Variants in FANCC observed in about 807,000 individuals in gnomAD.
The protein encoded by FANCC is Fanconi anemia group C protein.
FANCC carries 55 observed loss-of-function variants against 71.3 expected under a neutral mutation model. That is an observed-to-expected ratio of 0.77 (90% confidence interval 0.62 to 0.97). The LOEUF is 0.97. FANCC is among the 50% of genes least tolerant of loss of function. The pLI is 0.00. For missense variants in FANCC, 678 were observed against 670.9 expected (o/e 1.01, Z -0.12); for synonymous variants, 275 against 244.9 (o/e 1.12, Z -1.15).
intron 1 of FANCC, among the ~76,000 whole-genome samples, chr9:95,265,156 A>G (rs555013025): frequency 3.7e-4 from 56 of 152,340 alleles, no homozygotes; most frequent in African/African-American, 1.0e-3. Flanking sequence ...GAGATAGTCT[A>G]ATCAAAAACA....
intron 1 of FANCC, among the ~76,000 whole-genome samples, chr9:95,291,830 C>A (rs1383655487): frequency 4.6e-5 from 7 of 150,786 alleles, no homozygotes; most frequent in Non-Finnish European, 5.9e-5. Flanking sequence ...CACCTGTAGT[C>A]CCGGTTACTC....
intron 4 of FANCC, among the ~76,000 whole-genome samples, chr9:95,216,204 C>T (rs1339586774): frequency 6.6e-6 from 1 of 152,040 alleles, no homozygotes; most frequent in Non-Finnish European, 1.5e-5. Flanking sequence ...GTTTTAATGT[C>T]AGACAAAGCA....
At chr9:95,304,628 T>C (rs1446997442) in intron 1 of FANCC, among the ~76,000 whole-genome samples, 1 of 150,836 alleles carries the variant, frequency 6.6e-6, no homozygotes, top group Admixed American at 6.6e-5. Context: ...CGAGCGCCTG[T>C]AATCCCAGCT....
intron 1 of FANCC, among the ~76,000 whole-genome samples, chr9:95,284,555 AAC>A (rs1833561175): frequency 6.6e-6 from 1 of 152,186 alleles, no homozygotes; most frequent in South Asian, 2.1e-4. Flanking sequence ...TAAATTTCTC[AAC>A]ATCTTGGAAA....
At chr9:95,276,882 CTGAGA>C (rs1833071536) in intron 1 of FANCC, among the ~76,000 whole-genome samples, 1 of 152,212 alleles carries the variant, frequency 6.6e-6, no homozygotes, top group African/African-American at 2.4e-5. Flanking sequence ...AGCGTCTACT[CTGAGA>C]TAACTTTGCT....
chr9:95,207,106 A>G (rs906307395), intron 4 of FANCC, among the ~76,000 whole-genome samples: 1 of 152,182 alleles, frequency 6.6e-6, no homozygotes, highest in Non-Finnish European at 1.5e-5. Context: ...AGAAATTGGC[A>G]GCCCAGCCTG....
intron 7 of FANCC, among the ~76,000 whole-genome samples, chr9:95,138,201 G>A (rs1248156581): frequency 6.6e-6 from 1 of 152,268 alleles, no homozygotes; most frequent in Non-Finnish European, 1.5e-5. Context: ...GGTAACACTT[G>A]AAGCCAGGGC....
chr9:95,173,829 G>C (rs1322882609), intron 4 of FANCC, among the ~76,000 whole-genome samples: 1 of 152,128 alleles, frequency 6.6e-6, no homozygotes, highest in African/African-American at 2.4e-5. Flanking sequence ...GAGGCAGGAG[G>C]ATCACTCGAG....
intron 4 of FANCC, among the ~76,000 whole-genome samples, chr9:95,187,904 A>G (rs562962804): frequency 6.6e-6 from 1 of 151,914 alleles, no homozygotes; most frequent in South Asian, 2.1e-4. Context: ...TCAGGATGGA[A>G]ACGTCTCAAG....
intron 14 of FANCC, 70 bp downstream of exon 14, chr9:95,106,996 C>A: frequency 6.7e-7 from 1 of 1,485,976 alleles, no homozygotes. Context: ...GCCAGACCCT[C>A]GGACAGGTAA....
intron 1 of FANCC, among the ~76,000 whole-genome samples, chr9:95,262,850 G>C (rs1011813754): frequency 1.3e-5 from 2 of 152,126 alleles, no homozygotes; most frequent in Non-Finnish European, 2.9e-5. Context: ...AGTGAAATCA[G>C]ACAAAATGCG....
chr9:95,220,724 A>G (rs1341013362), intron 4 of FANCC, among the ~76,000 whole-genome samples: 1 of 151,600 alleles, frequency 6.6e-6, no homozygotes, highest in African/African-American at 2.4e-5. Flanking sequence ...GTCATGGGGT[A>G]GGGGGAGAGG....
intron 4 of FANCC, among the ~76,000 whole-genome samples, chr9:95,209,391 G>A (rs1381975944): frequency 1.3e-5 from 2 of 152,142 alleles, no homozygotes; most frequent in Non-Finnish European, 2.9e-5. Flanking sequence ...GAATGATAAC[G>A]ATGTGTCAGG....
chr9:95,193,310 C>A (rs1827223715), intron 4 of FANCC, among the ~76,000 whole-genome samples: 1 of 152,066 alleles, frequency 6.6e-6, no homozygotes. Context: ...TCGGCAAGTT[C>A]AGCCCAAAGG....
chr9:95,189,515 C>T (rs569244141), intron 4 of FANCC, among the ~76,000 whole-genome samples: 59 of 126,506 alleles, frequency 4.7e-4, no homozygotes, highest in Non-Finnish European at 8.3e-4. Flanking sequence ...CTTGCTTGCT[C>T]GCTCATTAGT....
chr9:95,148,600 T>C (rs1829874195), intron 7 of FANCC, among the ~76,000 whole-genome samples: 1 of 152,226 alleles, frequency 6.6e-6, no homozygotes, highest in African/African-American at 2.4e-5. Flanking sequence ...AGCTCCATGG[T>C]GGCAGTAATG....
intron 7 of FANCC, among the ~76,000 whole-genome samples, chr9:95,142,138 A>G (rs1177442778): frequency 3.3e-5 from 5 of 151,606 alleles, no homozygotes; most frequent in Non-Finnish European, 7.4e-5. Context: ...GACTACAGGC[A>G]CCTGCCATCA....
At chr9:95,191,084 A>C (rs1012664415) in intron 4 of FANCC, among the ~76,000 whole-genome samples, 1 of 152,046 alleles carries the variant, frequency 6.6e-6, no homozygotes, top group Non-Finnish European at 1.5e-5. Context: ...GTGTCAGGAC[A>C]GTGGCTTTCA....
At chr9:95,150,300 A>G (rs1032002766) in intron 6 of FANCC, among the ~76,000 whole-genome samples, 5 of 152,210 alleles carry the variant, frequency 3.3e-5, no homozygotes. Flanking sequence ...AGTGTCATTC[A>G]TGGTCAGGAC....
Sources: gnomAD v4.1 joint callset for allele counts (sites outside exome capture counted in the v4.1 genomes callset) on GRCh38, gnomAD v4.1.1 for gene constraint, MANE v1.5 for transcripts, NCBI Gene and HGNC (gene_info 2026-07-23, HGNC 2026-07-21) for gene names.